The following SIPA1L1 variants were observed in gnomAD, a reference collection of about 807,000 sequenced individuals.
SIPA1L1 encodes the protein signal-induced proliferation-associated 1-like protein 1.
In SIPA1L1, 26 loss-of-function variants were observed where a neutral mutation model predicts 162.7. The ratio of observed to expected loss-of-function variants is 0.16; its 90% CI spans 0.12 to 0.22. The LOEUF is 0.22. SIPA1L1 is among the 10% of genes least tolerant of loss of function. SIPA1L1 has a pLI of 1.00. For missense variants in SIPA1L1, 1,874 were observed against 2,241.0 expected (o/e 0.84, Z 3.31); for synonymous variants, 829 against 837.4 (o/e 0.99, Z 0.17).
chr14:71,342,424 C>CAT (rs2035755986), intron 2 of SIPA1L1, among the ~76,000 whole-genome samples: 2 of 152,174 alleles, frequency 1.3e-5, no homozygotes, highest in African/African-American at 4.8e-5. Context: ...AGTGGCTGAA[C>CAT]TAATATACAT....
At position 71,709,441 on chromosome 14, in the gene SIPA1L1, C is replaced by G; in HGVS notation, c.3985C>G (p.Pro1329Ala). 1 of 1,614,236 alleles carries G rather than the reference C, an allele frequency of 6.2e-7. No homozygotes were observed. The highest frequency in any genetic ancestry group is 1.6e-4 in the Middle Eastern group (1 of 6,062). ...TASLGAATSS[P>A]RSGPGKEKVA... ...CTCGCTGGGGGCTGCCACATCGTCA[C>G]CTCGCTCAGGGCCAGGCAAGGAGAA... Residue 1329 changes from proline (P) to alanine (A), a missense_variant, in exon 17 of 24, where the codon CCT becomes GCT. Around this residue, in one of 5 missense-constraint regions of SIPA1L1, gnomAD observed 936 missense variants for 1,051.9 expected, o/e 0.89. Transcript: ENST00000381232.
At chr14:71,714,587 T>C (rs1285746374) in intron 17 of SIPA1L1, among the ~76,000 whole-genome samples, 9 of 17,216 alleles carry the variant, frequency 5.2e-4, no homozygotes, top group Non-Finnish European at 1.5e-4. Flanking sequence ...TTTTCTCTCT[T>C]TTTTTTTTTA....
intron 5 of SIPA1L1, among the ~76,000 whole-genome samples, chr14:71,599,088 T>C (rs184137261): frequency 6.6e-6 from 1 of 151,794 alleles, no homozygotes; most frequent in African/African-American, 2.4e-5. Flanking sequence ...CTTATTTCAC[T>C]TAACATAATG....
At chr14:71,398,469 A>G (rs1030511021) in intron 2 of SIPA1L1, 22 of 152,246 alleles carry the variant, frequency 1.4e-4, no homozygotes, top group African/African-American at 4.6e-4. Flanking sequence ...ACTACCTGAT[A>G]GAACTACAAG....
Position 71,733,662 on chromosome 14 carries a change from G to T in SIPA1L1, c.4862-4G>T, listed in dbSNP as rs757972636. On this transcript the variant is annotated splice_region_variant and splice_polypyrimidine_tract_variant and intron_variant, in intron 20 of 23. Coordinates refer to ENST00000381232, the MANE Select transcript of SIPA1L1 (RefSeq NM_001386936.1). ...AGCATCTCATTCCTCCTCCCTTCCC[G>T]CAGGAGAGTTCTCAGCCTCGGACAG... 19 of 1,612,850 alleles carry T rather than the reference G, an allele frequency of 1.2e-5. No individual in the cohort carries two copies. The highest frequency in any genetic ancestry group is 1.6e-4 in the Middle Eastern group (1 of 6,074).
At position 71,572,046 on chromosome 14, in the gene SIPA1L1, C is replaced by T. The variant is rs187788501; in HGVS notation, c.-302-15525C>T. Among the ~76,000 whole-genome samples, 433 of 152,256 alleles carry T rather than the reference C, an allele frequency of 2.8e-3. 5 individuals carry two copies. The highest frequency in any genetic ancestry group is 9.4e-4 in the Non-Finnish European group (64 of 68,008). Reference sequence around the variant, plus strand: ...TGCTGGTGGGGACTCTGCAGCATCCCGAGAAGGCGATGGAGGGCATCACAT... The same window carrying T: ...TGCTGGTGGGGACTCTGCAGCATCCTGAGAAGGCGATGGAGGGCATCACAT... On this transcript the variant is annotated intron_variant, in intron 4 of 23. Transcript: ENST00000381232.
rs1000655753 is a variant in SIPA1L1 at position 71,487,651 on chromosome 14, G to T, written c.-464-25092G>T. On this transcript the variant is annotated intron_variant, in intron 2 of 23. Transcript: ENST00000381232. ...GCTCTCCAGTGTCCACTTTCACTCT[G>T]CTCAGCTCTTGGGGACATGAGGAAG... 5.3e-5 allele frequency among the ~76,000 whole-genome samples: 8 copies of T among 152,290 alleles called. No homozygotes were observed. The East Asian group carries it at 5.8e-4, about 11-fold the overall frequency.
chr14:71,387,273 A>G (rs1337733282), intron 2 of SIPA1L1, among the ~76,000 whole-genome samples: 10 of 149,984 alleles, frequency 6.7e-5, no homozygotes, highest in South Asian at 6.3e-4. Context: ...AAAAAAAAAA[A>G]AAAGAAAGAC....
intron 4 of SIPA1L1, among the ~76,000 whole-genome samples, chr14:71,578,629 A>T (rs148476601): frequency 6.6e-6 from 1 of 152,236 alleles, no homozygotes; most frequent in African/African-American, 2.4e-5. Context: ...AAGTAAACTA[A>T]TGAAGAGAAA....
At chr14:71,685,938 A>G (rs528814839) in intron 13 of SIPA1L1, among the ~76,000 whole-genome samples, 2 of 152,014 alleles carry the variant, frequency 1.3e-5, no homozygotes, top group South Asian at 4.2e-4. Flanking sequence ...AATTTAGCAG[A>G]CTCTTTGAGG....
intron 5 of SIPA1L1, among the ~76,000 whole-genome samples, chr14:71,606,156 G>GT (rs746792933): frequency 2.0e-5 from 3 of 152,138 alleles, no homozygotes; most frequent in Non-Finnish European, 4.4e-5. Flanking sequence ...GCTCCTGGGG[G>GT]TGGCGGGATT....
intron 2 of SIPA1L1, among the ~76,000 whole-genome samples, chr14:71,401,397 CTT>C (rs774351095): frequency 1.7e-3 from 232 of 135,854 alleles, no homozygotes; most frequent in Non-Finnish European, 2.7e-3. Context: ...AAAAAGGCTG[CTT>C]TTTTTTTTTT....
At chr14:71,676,451 G>T (rs370000196) in intron 12 of SIPA1L1, among the ~76,000 whole-genome samples, 1 of 148,756 alleles carries the variant, frequency 6.7e-6, no homozygotes, top group Non-Finnish European at 1.5e-5. Flanking sequence ...GCCCCTACTA[G>T]GTGCCAGGCA....
intron 2 of SIPA1L1, among the ~76,000 whole-genome samples, chr14:71,481,138 G>A (rs763812842): frequency 6.6e-6 from 1 of 152,152 alleles, no homozygotes; most frequent in Non-Finnish European, 1.5e-5. Flanking sequence ...GATTTGATAT[G>A]TTTTCATTCT....
chr14:71,538,727 G>A (rs774468981), intron 4 of SIPA1L1, among the ~76,000 whole-genome samples: 1 of 152,102 alleles, frequency 6.6e-6, no homozygotes. Context: ...CAGGGTCATG[G>A]TGCTTTTTGG....
intron 3 of SIPA1L1, among the ~76,000 whole-genome samples, chr14:71,515,655 T>C (rs987057150): frequency 6.6e-6 from 1 of 152,042 alleles, no homozygotes; most frequent in Admixed American, 6.6e-5. Flanking sequence ...TAATATTTCT[T>C]TTTTTTTGAG....
At chr14:71,727,436 CTTT>C (rs75777361) in intron 19 of SIPA1L1, among the ~76,000 whole-genome samples, 6 of 142,784 alleles carry the variant, frequency 4.2e-5, no homozygotes, top group African/African-American at 2.6e-5. Flanking sequence ...CTCAGGAAGC[CTTT>C]TTTTTTTTTT....
Position 71,739,241 on chromosome 14 carries a change from A to C in SIPA1L1, c.*80A>C. ...TGCAGCCCTTATTCCCTCCATAGAAAGCATCCTCAGAGCACCTTCCCTGGC... is the reference window on the plus strand; with the variant it reads ...TGCAGCCCTTATTCCCTCCATAGAACGCATCCTCAGAGCACCTTCCCTGGC... On this transcript the variant is annotated 3_prime_UTR_variant, in exon 24 of 24. Coordinates refer to ENST00000381232, the MANE Select transcript of SIPA1L1 (RefSeq NM_001386936.1). 1 of 1,396,564 alleles carries C rather than the reference A, an allele frequency of 7.2e-7. No homozygotes were observed. The highest frequency in any genetic ancestry group is 9.6e-7 in the Non-Finnish European group (1 of 1,046,354). 86.5% of individuals were successfully genotyped at this position (1,396,564 alleles called of 1,614,324 possible).
chr14:71,408,113 C>T (rs1411706953), intron 2 of SIPA1L1, among the ~76,000 whole-genome samples: 1 of 152,166 alleles, frequency 6.6e-6, no homozygotes, highest in Non-Finnish European at 1.5e-5. Flanking sequence ...AGTTAGAATA[C>T]AGTTATTTCT....
Sources: allele counts gnomAD v4.1 joint callset (sites outside exome capture counted in the v4.1 genomes callset), GRCh38; gene constraint gnomAD v4.1.1; regional missense constraint gnomAD v4.1.1; transcripts MANE v1.5; gene names NCBI Gene and HGNC (gene_info 2026-07-23, HGNC 2026-07-21).